The following SEPTIN14 variants were observed in gnomAD, a reference collection of about 807,000 sequenced individuals.
SEPTIN14 encodes the protein septin 14, also known as septin-14.
Under a neutral mutation model 53.6 loss-of-function variants are expected in SEPTIN14, and 40 were observed. The observed-to-expected ratio is 0.75, with a 90% CI of 0.58 to 0.97. The LOEUF is 0.97. Among genes scored for constraint, SEPTIN14 ranks in the 50% least tolerant of loss-of-function variants. The pLI is 0.00. For synonymous variants in SEPTIN14, 138 were observed against 166.8 expected (o/e 0.83, Z 1.33); for missense variants, 471 against 508.2 (o/e 0.93, Z 0.70).
At chr7:55,832,092 C>T (rs1045211352) in intron 6 of SEPTIN14, among the ~76,000 whole-genome samples, 2 of 152,002 alleles carry the variant, frequency 1.3e-5, no homozygotes, top group South Asian at 2.1e-4. Flanking sequence ...ATCCCAGCTA[C>T]TCGGAGGCTG....
chr7:55,816,855 T>G (rs1788802423), intron 7 of SEPTIN14, among the ~76,000 whole-genome samples: 1 of 152,140 alleles, frequency 6.6e-6, no homozygotes, highest in African/African-American at 2.4e-5. Context: ...AAATGGCTAT[T>G]ATCAATAAGA....
chr7:55,857,883 G>A (rs1045395035), intron 2 of SEPTIN14, among the ~76,000 whole-genome samples: 16 of 152,118 alleles, frequency 1.1e-4, no homozygotes, highest in Middle Eastern at 3.2e-3. Context: ...CACCGCGCCC[G>A]GCCACCTGTG....
At chr7:55,853,798 GACCTGCTATGT>G (rs1252701388) in intron 2 of SEPTIN14, among the ~76,000 whole-genome samples, 1 of 151,880 alleles carries the variant, frequency 6.6e-6, no homozygotes, top group East Asian at 1.9e-4. Flanking sequence ...TAAATATATA[GACCTGCTATGT>G]ACCCATAAAA....
chr7:55,846,401 T>C, intron 3 of SEPTIN14, 116 bp downstream of exon 3: 1 of 723,190 alleles, frequency 1.4e-6, no homozygotes. Flanking sequence ...TGAGAATCAC[T>C]GTAAACATGA....
chr7:55,840,771 A>C (rs1789296487), intron 5 of SEPTIN14, among the ~76,000 whole-genome samples: 1 of 152,244 alleles, frequency 6.6e-6, no homozygotes, highest in African/African-American at 2.4e-5. Context: ...ATATACATAT[A>C]TTACAAAATG....
chr7:55,821,937 A>G lies in SEPTIN14; in HGVS notation c.721-2714T>C, dbSNP rs145095259. Among the ~76,000 whole-genome samples the G allele has an allele frequency of 3.2e-4, 49 of 152,344 alleles. 2 individuals are homozygous for G. The highest frequency in any genetic ancestry group is 1.1e-3 in the African/African-American group (45 of 41,594). On this transcript the variant is annotated intron_variant, in intron 6 of 9. Coordinates refer to ENST00000388975, the MANE Select transcript of SEPTIN14 (RefSeq NM_207366.3). The stretch of plus-strand genomic sequence containing the variant: ...TCCACATGGCAGGGGAGGCCTTAGA[A>G]GCATGGTGGGAAGTGAAAGGCACTT...
At chr7:55,858,298 A>G (rs1193442824) in intron 2 of SEPTIN14, among the ~76,000 whole-genome samples, 1 of 152,218 alleles carries the variant, frequency 6.6e-6, no homozygotes, top group African/African-American at 2.4e-5. Context: ...AAGACTGGCA[A>G]TCAAATAAAA....
chr7:55,825,929 C>T (rs529734447), intron 6 of SEPTIN14, among the ~76,000 whole-genome samples: 6 of 152,072 alleles, frequency 3.9e-5, no homozygotes, highest in African/African-American at 1.4e-4. Flanking sequence ...AGTGAAACCC[C>T]ATCTCTAATC....
chr7:55,807,296 A>G, intron 7 of SEPTIN14, 38 bp from the exon 8 acceptor site: 3 of 1,358,374 alleles, frequency 2.2e-6, no homozygotes, highest in Middle Eastern at 1.9e-4. Flanking sequence ...AACATTCAGT[A>G]TCAATCCCTG....
At chr7:55,852,423 A>G (rs1789535295) in intron 2 of SEPTIN14, among the ~76,000 whole-genome samples, 1 of 152,212 alleles carries the variant, frequency 6.6e-6, no homozygotes, top group Non-Finnish European at 1.5e-5. Flanking sequence ...AGGTGCTAAT[A>G]GCATACAGTG....
At chr7:55,818,002 ACAAT>A (rs1459476747) in intron 7 of SEPTIN14, among the ~76,000 whole-genome samples, 20 of 152,288 alleles carry the variant, frequency 1.3e-4, no homozygotes, top group Non-Finnish European at 2.6e-4. Flanking sequence ...AAGATTGACC[ACAAT>A]ATATGGTTTA....
chr7:55,811,037 T>G (rs1788692038), intron 7 of SEPTIN14: 1 of 457,816 alleles, frequency 2.2e-6, no homozygotes, highest in Non-Finnish European at 4.2e-6. Context: ...TATTTTCTTC[T>G]TCTTCCTCTT....
intron 9 of SEPTIN14, among the ~76,000 whole-genome samples, chr7:55,800,020 A>C (rs1788500950): frequency 3.9e-5 from 6 of 152,212 alleles, no homozygotes; most frequent in Admixed American, 3.9e-4. Context: ...AAAAGTTTGA[A>C]ATCATATTAT....
chr7:55,809,893 C>T (rs545354620), intron 7 of SEPTIN14, among the ~76,000 whole-genome samples: 339 of 142,852 alleles, frequency 2.4e-3, no homozygotes, highest in African/African-American at 7.9e-3. Context: ...AGTGCAGTGG[C>T]GCAATCTCGG....
At chr7:55,822,589 A>G (rs1788915579) in intron 6 of SEPTIN14, among the ~76,000 whole-genome samples, 1 of 152,190 alleles carries the variant, frequency 6.6e-6, no homozygotes, top group Non-Finnish European at 1.5e-5. Flanking sequence ...GCCCAGAAAT[A>G]TGCCTACACA....
intron 9 of SEPTIN14, among the ~76,000 whole-genome samples, chr7:55,796,851 G>A (rs1349772978): frequency 4.6e-5 from 7 of 152,200 alleles, no homozygotes; most frequent in Admixed American, 2.0e-4. Context: ...AAGGCTGGGC[G>A]TGGTGGCTCA....
chr7:55,817,480 T>A lies in SEPTIN14; in HGVS notation c.817+1647A>T, dbSNP rs891998237. 4.5e-3 allele frequency among the ~76,000 whole-genome samples: 663 copies of A among 147,502 alleles called. 4 individuals carry two copies. The highest frequency in any genetic ancestry group is 8.8e-3 in the African/African-American group (341 of 38,908). On this transcript the variant is annotated intron_variant, in intron 7 of 9. Transcript: ENST00000388975. Reference sequence around the variant, plus strand: ...ATATTTTATATATATATATATATTTTTTTTTTTTGAAAAGGAGTCTCGCTC... The same window carrying A: ...ATATTTTATATATATATATATATTTATTTTTTTTGAAAAGGAGTCTCGCTC...
At chr7:55,828,522 T>A (rs1738009035) in intron 6 of SEPTIN14, among the ~76,000 whole-genome samples, 3 of 152,088 alleles carry the variant, frequency 2.0e-5, no homozygotes, top group East Asian at 1.9e-4. Flanking sequence ...GCCAGGATGG[T>A]CTCGATCTCC....
intron 2 of SEPTIN14, among the ~76,000 whole-genome samples, chr7:55,856,306 A>T (rs1252461680): frequency 6.6e-6 from 1 of 152,052 alleles, no homozygotes; most frequent in Non-Finnish European, 1.5e-5. Flanking sequence ...AACTTAGGAT[A>T]ATGGCCTCCA....
Sources: allele counts gnomAD v4.1 joint callset (sites outside exome capture counted in the v4.1 genomes callset), GRCh38; gene constraint gnomAD v4.1.1; transcripts MANE v1.5; gene names NCBI Gene and HGNC (gene_info 2026-07-23, HGNC 2026-07-21).